The following ZC3HC1 variants were observed in gnomAD, a reference collection of about 807,000 sequenced individuals.
ZC3HC1 encodes the protein zinc finger C3HC-type containing 1, also known as zinc finger C3HC-type protein 1.
A neutral mutation model predicts 61.9 loss-of-function variants in ZC3HC1; 38 were observed. That is an observed-to-expected ratio of 0.61 (90% CI 0.47 to 0.81). ZC3HC1 has a LOEUF of 0.81. Among genes scored for constraint, ZC3HC1 ranks in the 30% least tolerant of loss-of-function variants. ZC3HC1 has a pLI of 0.00. For missense variants in ZC3HC1, 554 were observed against 622.7 expected (o/e 0.89, Z 1.17); for synonymous variants, 213 against 229.9 (o/e 0.93, Z 0.67).
rs758560441 is a variant in ZC3HC1 at position 130,045,398 on chromosome 7, C to T, written c.258+3635G>A. The T allele has an allele frequency of 1.0e-4, 45 of 441,470 alleles. 1 individual carries two copies. The highest frequency in any genetic ancestry group is 1.8e-4 in the Non-Finnish European group (39 of 218,578). The allele number at this position is 441,470 out of a possible 1,614,324, so 27.3% of individuals were successfully genotyped here. A position where few individuals can be genotyped will look rare whatever the true frequency, so the allele number is the denominator to read the frequency against. On this transcript the variant is annotated intron_variant, in intron 2 of 9. Coordinates refer to ENST00000358303, the MANE Select transcript of ZC3HC1 (RefSeq NM_016478.5). The stretch of plus-strand genomic sequence containing the variant: ...TGGTGTGGTACCACATTTCTTCCGC[C>T]TTCAGTCTCTGCTCCTTTCACAGAG...
At chr7:130,032,712 A>AGGAAGGAAG (rs1794256365) in intron 4 of ZC3HC1, among the ~76,000 whole-genome samples, 1 of 103,246 alleles carries the variant, frequency 9.7e-6, no homozygotes, top group Non-Finnish European at 1.9e-5. Flanking sequence ...GAAGGAAGGA[A>AGGAAGGAAG]GGAAGGGAAG....
At chr7:130,050,100 C>A (rs758650914) in intron 1 of ZC3HC1, among the ~76,000 whole-genome samples, 1 of 151,788 alleles carries the variant, frequency 6.6e-6, no homozygotes, top group Non-Finnish European at 1.5e-5. Context: ...TATTTAGAGA[C>A]GGAGTCTCAC....
intron 3 of ZC3HC1, 65 bp downstream of exon 3, chr7:130,040,886 C>G (rs974719292): frequency 1.4e-6 from 2 of 1,443,336 alleles, no homozygotes; most frequent in South Asian, 3.1e-5. Context: ...TTTTTCCCCC[C>G]CCAGAAAACC....
At chr7:130,034,249 G>T (rs1794336095) in intron 4 of ZC3HC1, among the ~76,000 whole-genome samples, 1 of 150,724 alleles carries the variant, frequency 6.6e-6, no homozygotes, top group Non-Finnish European at 1.5e-5. Flanking sequence ...ACTTTGGGAG[G>T]CCGAGGCGGG....
Position 130,049,086 on chromosome 7 carries a change from A to T in ZC3HC1, c.205T>A (p.Ser69Thr). The T allele has an allele frequency of 1.2e-6, 2 of 1,610,278 alleles. No individual in the cohort carries two copies. Among genetic ancestry groups the T allele is most frequent in the Non-Finnish European group, 1.7e-6 (2 of 1,178,378 alleles). The change falls in exon 2 of 10, where the codon TCA (serine) becomes ACA (threonine). Residue 69 changes from serine (S) to threonine (T), a missense_variant. Transcript: ENST00000358303. ...VNGSPQAEQP[S>T]LESTSKEAFF... ...GCTTCTTTGCTTGTAGATTCCAATG[A>T]AGGTTGTTCCGCTTGGGGTGATCCA...
rs1297399347 is a variant in ZC3HC1, at chr7:130,051,298, G to A, written c.69C>T (p.Arg23=). 2.5e-6 allele frequency: 4 copies of A among 1,613,036 alleles called. No homozygotes were observed. The highest frequency in any genetic ancestry group is 3.4e-6 in the Non-Finnish European group (4 of 1,179,572). The change falls in exon 1 of 10, where the codon CGC becomes CGT. Residue 23 remains arginine, a synonymous_variant. Coordinates refer to ENST00000358303, the MANE Select transcript of ZC3HC1 (RefSeq NM_016478.5). ...GVEKNWGAVV[R]SPEGTPQKIR... ...TTTTCTGGGGGGTCCCTTCTGGGGAGCGAACTACTGCACCCCAATTCTTTT... is the reference window on the plus strand; with the variant it reads ...TTTTCTGGGGGGTCCCTTCTGGGGAACGAACTACTGCACCCCAATTCTTTT...
chr7:130,039,421 G>T, intron 4 of ZC3HC1, 43 bp downstream of exon 4: 1 of 1,484,542 alleles, frequency 6.7e-7, no homozygotes, highest in African/African-American at 1.4e-5. Flanking sequence ...GAAATGCAAT[G>T]ATGAAGGAAA....
chr7:130,026,040 TTG>T (rs1179016797), intron 6 of ZC3HC1, 116 bp downstream of exon 6: 1 of 1,259,826 alleles, frequency 7.9e-7, no homozygotes, highest in Non-Finnish European at 1.1e-6. Flanking sequence ...CAGTTTTTCT[TTG>T]TCTCTTTTTC....
intron 9 of ZC3HC1, among the ~76,000 whole-genome samples, chr7:130,021,176 G>C (rs1213067652): frequency 2.0e-5 from 3 of 152,068 alleles, no homozygotes; most frequent in African/African-American, 7.2e-5. Context: ...AAAGTGCTAG[G>C]ATTACAGGCG....
chr7:130,026,065 C>A (rs1793891969), intron 6 of ZC3HC1, 93 bp downstream of exon 6: 1 of 1,411,872 alleles, frequency 7.1e-7, no homozygotes, highest in Middle Eastern at 1.9e-4. Flanking sequence ...ACGGGAAACA[C>A]CATGTGATTT....
At chr7:130,020,922 T>C (rs561892886) in intron 9 of ZC3HC1, among the ~76,000 whole-genome samples, 5 of 152,188 alleles carry the variant, frequency 3.3e-5, no homozygotes, top group East Asian at 3.9e-4. Flanking sequence ...TTATTTTTTT[T>C]TGAGACAGCG....
intron 4 of ZC3HC1, among the ~76,000 whole-genome samples, chr7:130,034,367 C>T (rs568206192): frequency 6.6e-6 from 1 of 151,340 alleles, no homozygotes. Flanking sequence ...CGCCTGTAGT[C>T]CCAGCTACTG....
chr7:130,051,202 G>C lies in ZC3HC1; in HGVS notation c.146+19C>G. On this transcript the variant is annotated intron_variant, in intron 1 of 9. Coordinates refer to ENST00000358303, the MANE Select transcript of ZC3HC1 (RefSeq NM_016478.5). ...TTCAATCTTCCAACGCCGGACCCAGGGTTAACTCGTGAACTCACGCGTCCA... is the reference window on the plus strand; with the variant it reads ...TTCAATCTTCCAACGCCGGACCCAGCGTTAACTCGTGAACTCACGCGTCCA... The C allele has an allele frequency of 6.3e-7, 1 of 1,595,576 alleles. No individual in the cohort carries two copies. The highest frequency in any genetic ancestry group is 1.1e-5 in the South Asian group (1 of 88,306).
intron 9 of ZC3HC1, among the ~76,000 whole-genome samples, chr7:130,020,648 G>C (rs1330537430): frequency 6.6e-6 from 1 of 151,776 alleles, no homozygotes; most frequent in Non-Finnish European, 1.5e-5. Context: ...GCAGCTGTCA[G>C]AAGGTTAAGA....
chr7:130,035,703 C>T (rs566388454), intron 4 of ZC3HC1, among the ~76,000 whole-genome samples: 2 of 152,196 alleles, frequency 1.3e-5, no homozygotes, highest in South Asian at 2.1e-4. Context: ...AGGCTGGTCT[C>T]GAACTCCTGA....
rs1793766814 is a variant in ZC3HC1, at chr7:130,023,932, T to C, written c.1021-209A>G. Among the ~76,000 whole-genome samples the C allele has an allele frequency of 6.6e-6, 1 of 152,058 alleles. No homozygotes were observed. Among genetic ancestry groups the C allele is most frequent in the South Asian group, 2.1e-4 (1 of 4,812 alleles). ...CTCCTGCTTCAGCCTCCCAAGTAGC[T>C]GGGATTACAGGTGCCTGCCACCACA... is the stretch of plus-strand genomic sequence containing the variant. On this transcript the variant is annotated intron_variant, in intron 7 of 9. Transcript: ENST00000358303. This position sits in a 1 kb window ranked among gnomAD's most constrained non-coding sequence, Gnocchi z 4.2.
intron 2 of ZC3HC1, 47 bp from the exon 3 acceptor site, chr7:130,041,148 G>C (rs1563083560): frequency 7.3e-7 from 1 of 1,367,212 alleles, no homozygotes; most frequent in African/African-American, 1.8e-5. Context: ...ATATATATGT[G>C]TGTGTATGTG....
At chr7:130,040,160 T>C (rs750044213) in intron 3 of ZC3HC1, among the ~76,000 whole-genome samples, 36 of 123,724 alleles carry the variant, frequency 2.9e-4, no homozygotes, top group Middle Eastern at 6.0e-3. Flanking sequence ...GTCAAGTCCA[T>C]GCTGCAGTAG....
At chr7:130,032,795 G>C (rs1794272724) in intron 4 of ZC3HC1, among the ~76,000 whole-genome samples, 1 of 126,176 alleles carries the variant, frequency 7.9e-6, no homozygotes, top group South Asian at 3.2e-4. Context: ...GGGAGGGAAG[G>C]AAAGGAAGGG....
Sources: allele counts gnomAD v4.1 joint callset (sites outside exome capture counted in the v4.1 genomes callset), GRCh38; gene constraint gnomAD v4.1.1; non-coding constraint Gnocchi (gnomAD v3.1); transcripts MANE v1.5; gene names NCBI Gene and HGNC (gene_info 2026-07-23, HGNC 2026-07-21).